Variants in RNGTT observed in about 807,000 individuals in gnomAD.
RNGTT encodes RNA guanylyltransferase and 5'-phosphatase.
A neutral mutation model predicts 79.3 loss-of-function variants in RNGTT; 33 were observed. The ratio of observed to expected loss-of-function variants is 0.42; its 90% CI spans 0.32 to 0.56. The LOEUF is 0.56. Ranked by LOEUF, RNGTT falls within the 20% of genes least tolerant of loss-of-function variation. RNGTT has a pLI of 0.17. For synonymous variants in RNGTT, 222 were observed against 235.9 expected (o/e 0.94, Z 0.54); for missense variants, 497 against 739.1 (o/e 0.67, Z 3.80).
At chr6:88,869,922 A>C (rs1159205242) in intron 8 of RNGTT, among the ~76,000 whole-genome samples, 1 of 152,152 alleles carries the variant, frequency 6.6e-6, no homozygotes, top group Non-Finnish European at 1.5e-5. Flanking sequence ...TCAGGCTGAC[A>C]TAAGATGTAA....
chr6:88,841,683 C>G (rs531267974), intron 11 of RNGTT, among the ~76,000 whole-genome samples: 29 of 152,124 alleles, frequency 1.9e-4, no homozygotes, highest in Non-Finnish European at 3.8e-4. Flanking sequence ...GTACTCATAA[C>G]CCAGTATCAA....
At chr6:88,931,362 T>C (rs535903518) in intron 2 of RNGTT, among the ~76,000 whole-genome samples, 14 of 152,132 alleles carry the variant, frequency 9.2e-5, no homozygotes, top group Admixed American at 2.0e-4. Flanking sequence ...TACATACACA[T>C]AAAGAAATTC....
intron 2 of RNGTT, among the ~76,000 whole-genome samples, chr6:88,935,130 T>C (rs1784626258): frequency 6.6e-6 from 1 of 152,184 alleles, no homozygotes; most frequent in African/African-American, 2.4e-5. Flanking sequence ...AAAGGTCCAG[T>C]TTTATTCTTC....
chr6:88,824,853 CT>C (rs147566720), intron 11 of RNGTT, among the ~76,000 whole-genome samples: 1,955 of 151,842 alleles, frequency 0.013, 45 homozygotes, highest in African/African-American at 0.045. Context: ...AGAGATTCTC[CT>C]ACCTCTGCCT....
chr6:88,853,613 C>T lies in RNGTT; in HGVS notation c.1032+16G>A, dbSNP rs376402398. The T allele has an allele frequency of 3.4e-5, 51 of 1,504,636 alleles. No homozygotes were observed. The highest frequency in any genetic ancestry group is 1.9e-4 in the Admixed American group (9 of 48,054). 93.2% of individuals were successfully genotyped at this position (1,504,636 alleles called of 1,614,324 possible). A position where few individuals can be genotyped will look rare whatever the true frequency, so the allele number is the denominator to read the frequency against. On this transcript the variant is annotated intron_variant, in intron 9 of 15. Coordinates refer to ENST00000369485, the MANE Select transcript of RNGTT (RefSeq NM_003800.5). ...TGGCAATGTTTAATTTTATAGTATA[C>T]ATAAATATGACTTACGCCATCCAAG...
rs764676470 is a variant in RNGTT, at chr6:88,929,081, T to A, written c.279-8A>T. On this transcript the variant is annotated splice_region_variant and splice_polypyrimidine_tract_variant and intron_variant, in intron 3 of 15. Coordinates refer to ENST00000369485, the MANE Select transcript of RNGTT (RefSeq NM_003800.5). ...GTAGGGCACTCACCATGTCTAGTAA[T>A]ATAGAAAAAGTTTTTTTGAAAAAAG... 1 of 1,606,814 alleles carries A rather than the reference T, an allele frequency of 6.2e-7. No individual in the cohort carries two copies. The highest frequency in any genetic ancestry group is 8.5e-7 in the Non-Finnish European group (1 of 1,176,520).
At chr6:88,889,203 C>A (rs1782965812) in intron 8 of RNGTT, among the ~76,000 whole-genome samples, 1 of 150,998 alleles carries the variant, frequency 6.6e-6, no homozygotes, top group Non-Finnish European at 1.5e-5. Flanking sequence ...TATAAAATAC[C>A]CTAAAAAAGC....
intron 8 of RNGTT, among the ~76,000 whole-genome samples, chr6:88,883,562 C>T (rs1385223453): frequency 6.6e-6 from 1 of 152,070 alleles, no homozygotes; most frequent in East Asian, 1.9e-4. Flanking sequence ...TGAATTTATG[C>T]ATTAATTCTT....
At chr6:88,687,376 CAAAACT>C (rs1775316475) in intron 13 of RNGTT, among the ~76,000 whole-genome samples, 1 of 152,122 alleles carries the variant, frequency 6.6e-6, no homozygotes. Context: ...GGAAATTTGG[CAAAACT>C]ACACATGCAC....
Position 88,888,444 on chromosome 6 carries a change from C to T in RNGTT, c.896+2051G>A, listed in dbSNP as rs148444911. On this transcript the variant is annotated intron_variant, in intron 8 of 15. Coordinates refer to ENST00000369485, the MANE Select transcript of RNGTT (RefSeq NM_003800.5). ...ATAATTTTAATATTCTGAAAATAAGCAGAAAGGCTAATTTTCATTTATCCA... is the reference window on the plus strand; with the variant it reads ...ATAATTTTAATATTCTGAAAATAAGTAGAAAGGCTAATTTTCATTTATCCA... Among the ~76,000 whole-genome samples, 1,116 of 152,168 alleles carry T rather than the reference C, an allele frequency of 7.3e-3. 23 individuals carry two copies. Among genetic ancestry groups the T allele is most frequent in the African/African-American group, 0.025 (1,058 of 41,508 alleles).
intron 4 of RNGTT, 52 bp from the exon 5 acceptor site, chr6:88,906,492 C>T (rs779360154): frequency 2.0e-5 from 21 of 1,060,500 alleles, no homozygotes; most frequent in Non-Finnish European, 2.9e-5. Flanking sequence ...GCAGAGGCCA[C>T]ATTTACTTTA....
chr6:88,883,168 G>GAA (rs1394057111), intron 8 of RNGTT, among the ~76,000 whole-genome samples: 1 of 62,628 alleles, frequency 1.6e-5, no homozygotes, highest in African/African-American at 7.6e-5. Context: ...GACTCTTTAT[G>GAA]ACAAAAAAAA....
chr6:88,821,204 AGT>A (rs2127879890), intron 11 of RNGTT, among the ~76,000 whole-genome samples: 1 of 152,258 alleles, frequency 6.6e-6, no homozygotes, highest in South Asian at 2.1e-4. Flanking sequence ...AAACGAAAAT[AGT>A]CTTTTCAACA....
At chr6:88,668,375 C>T (rs772036900) in intron 14 of RNGTT, among the ~76,000 whole-genome samples, 45 of 152,154 alleles carry the variant, frequency 3.0e-4, no homozygotes, top group Non-Finnish European at 5.7e-4. Flanking sequence ...TCCAGTCACA[C>T]CTGGAAGCTG....
At chr6:88,948,382 G>A (rs1467251227) in intron 1 of RNGTT, among the ~76,000 whole-genome samples, 29 of 99,996 alleles carry the variant, frequency 2.9e-4, no homozygotes, top group Non-Finnish European at 3.8e-4. Context: ...CCCCCCGCCC[G>A]GCCAGCCGCC....
chr6:88,718,400 A>AG (rs1324856884), intron 13 of RNGTT, among the ~76,000 whole-genome samples: 2 of 151,846 alleles, frequency 1.3e-5, no homozygotes, highest in African/African-American at 2.4e-5. Flanking sequence ...AAAAAAAAAA[A>AG]AGAAAGGAAA....
At chr6:88,632,988 A>G (rs1039942277) in intron 14 of RNGTT, among the ~76,000 whole-genome samples, 2 of 152,162 alleles carry the variant, frequency 1.3e-5, no homozygotes, top group African/African-American at 4.8e-5. Context: ...GCTCTCACCC[A>G]TTTCTTCTGT....
rs941081375 is a variant in RNGTT at position 88,818,322 on chromosome 6, C to A, written c.1270-16690G>T. Among the ~76,000 whole-genome samples, 41 of 152,048 alleles carry A rather than the reference C, an allele frequency of 2.7e-4. 1 individual carries two copies. Among genetic ancestry groups the A allele is most frequent in the South Asian group, 2.1e-4 (1 of 4,818 alleles). On this transcript the variant is annotated intron_variant, in intron 11 of 15. Transcript: ENST00000369485. ...TTTGGGCTGGGCGCGGTGGCTCATG[C>A]CTGTAATCCCAGCACTTTGGGAGGC...
intron 14 of RNGTT, among the ~76,000 whole-genome samples, chr6:88,648,870 C>A (rs1181779422): frequency 6.6e-6 from 1 of 152,150 alleles, no homozygotes; most frequent in Non-Finnish European, 1.5e-5. Context: ...AGAGCGATTT[C>A]TTTGTAAATC....
Sources: allele counts gnomAD v4.1 joint callset (sites outside exome capture counted in the v4.1 genomes callset), GRCh38; gene constraint gnomAD v4.1.1; transcripts MANE v1.5; gene names NCBI Gene and HGNC (gene_info 2026-07-23, HGNC 2026-07-21).